ARAP2: variants seen among roughly 807,000 people sequenced by gnomAD.
ARAP2 encodes ArfGAP with RhoGAP domain, ankyrin repeat and PH domain 2.
In ARAP2, 148 loss-of-function variants were observed where a neutral mutation model predicts 194.5. That is an observed-to-expected ratio of 0.76 (90% CI 0.67 to 0.87). ARAP2 has a LOEUF of 0.87. Among genes scored for constraint, ARAP2 ranks in the 40% least tolerant of loss-of-function variants. The pLI is 0.00. For missense variants in ARAP2, 2,128 were observed against 1,989.7 expected (o/e 1.07, Z -1.32); for synonymous variants, 695 against 683.5 (o/e 1.02, Z -0.26).
chr4:36,185,838 C>T (rs552585550), intron 8 of ARAP2, among the ~76,000 whole-genome samples: 21 of 151,298 alleles, frequency 1.4e-4, no homozygotes, highest in Non-Finnish European at 2.1e-4. Flanking sequence ...ATTAGCTGGG[C>T]GTGGTGATGC....
At chr4:36,114,534 T>C (rs758624006) in intron 25 of ARAP2, among the ~76,000 whole-genome samples, 1 of 152,022 alleles carries the variant, frequency 6.6e-6, no homozygotes, top group Non-Finnish European at 1.5e-5. Flanking sequence ...ACTGAGCAAT[T>C]AGACCACTCA....
Position 36,107,708 on chromosome 4 carries a change from T to C in ARAP2, c.4157-15A>G. 6.3e-7 allele frequency: 1 copy of C among 1,576,558 alleles called. No individual in the cohort carries two copies. Among genetic ancestry groups the C allele is most frequent in the Non-Finnish European group, 8.6e-7 (1 of 1,165,950 alleles). On this transcript the variant is annotated splice_polypyrimidine_tract_variant and intron_variant, in intron 26 of 32. Coordinates refer to ENST00000303965, the MANE Select transcript of ARAP2 (RefSeq NM_015230.4). Reference sequence around the variant, plus strand: ...AAGAGGACGCTCTGTAAAAAATAAATTCCAAATCAAATGGAAAATATATGA... The same window carrying C: ...AAGAGGACGCTCTGTAAAAAATAAACTCCAAATCAAATGGAAAATATATGA...
At chr4:36,022,804 A>G (rs1406310408) in intron 5 of ARAP2, among the ~76,000 whole-genome samples, 2 of 152,170 alleles carry the variant, frequency 1.3e-5, no homozygotes, top group African/African-American at 2.4e-5. Context: ...TGATCAGTGA[A>G]CAAGGATAAC....
At chr4:36,219,893 T>C (rs1246371006) in intron 2 of ARAP2, among the ~76,000 whole-genome samples, 1 of 152,162 alleles carries the variant, frequency 6.6e-6, no homozygotes, top group East Asian at 1.9e-4. Flanking sequence ...TGAGCTAGAC[T>C]AAAAATATAC....
chr4:36,011,718 C>A (rs926646636), intron 9 of ARAP2, among the ~76,000 whole-genome samples: 2 of 152,076 alleles, frequency 1.3e-5, no homozygotes, highest in Non-Finnish European at 2.9e-5. Context: ...TATCATTATT[C>A]TTTAAATCAT....
At chr4:36,144,769 A>G (rs1044572208) in intron 19 of ARAP2, among the ~76,000 whole-genome samples, 2 of 151,874 alleles carry the variant, frequency 1.3e-5, no homozygotes, top group Admixed American at 6.6e-5. Flanking sequence ...ATTGAACAAG[A>G]TAAGATTGAA....
At chr4:36,146,766 C>T (rs1729716790) in intron 19 of ARAP2, among the ~76,000 whole-genome samples, 1 of 152,058 alleles carries the variant, frequency 6.6e-6, no homozygotes, top group Admixed American at 6.6e-5. Context: ...TCTGCTTACA[C>T]TGTTTTCCCT....
chr4:36,141,996 A>G (rs1728457517), intron 19 of ARAP2, among the ~76,000 whole-genome samples: 1 of 151,714 alleles, frequency 6.6e-6, no homozygotes, highest in Non-Finnish European at 1.5e-5. Flanking sequence ...ATGGTACTGA[A>G]ACAGCTTTTC....
chr4:36,111,135 T>G (rs752884336), intron 26 of ARAP2, among the ~76,000 whole-genome samples: 2 of 151,968 alleles, frequency 1.3e-5, no homozygotes, highest in Non-Finnish European at 2.9e-5. Flanking sequence ...CTTACATATT[T>G]ATAAATTTAT....
Position 36,140,175 on chromosome 4 carries a change from C to CACACACACACACAT in ARAP2, c.3264-6787_3264-6786insATGTGTGTGTGTGT, listed in dbSNP as rs1283506325. Among the ~76,000 whole-genome samples, 9 of 150,300 alleles carry CACACACACACACAT rather than the reference C, an allele frequency of 6.0e-5. No individual in the cohort carries two copies. The East Asian group carries it at 1.4e-3, about 23-fold the overall frequency. ...ACACACACACACACACACACACACACATCTTAGAGGGATTTGCTCATTCTT... is the reference window on the plus strand; with the variant it reads ...ACACACACACACACACACACACACACACACACACACACATATCTTAGAGGGATTTGCTCATTCTT... On this transcript the variant is annotated intron_variant, in intron 19 of 32. Coordinates refer to ENST00000303965, the MANE Select transcript of ARAP2 (RefSeq NM_015230.4).
At chr4:36,079,839 G>A (rs1729100671) in intron 31 of ARAP2, among the ~76,000 whole-genome samples, 1 of 152,140 alleles carries the variant, frequency 6.6e-6, no homozygotes, top group Non-Finnish European at 1.5e-5. Context: ...GGGGTGGAGA[G>A]AGTGGGAGAA....
At chr4:36,120,931 TATAA>T (rs1480867487) in intron 23 of ARAP2, among the ~76,000 whole-genome samples, 1 of 151,684 alleles carries the variant, frequency 6.6e-6, no homozygotes, top group African/African-American at 2.4e-5. Flanking sequence ...GCAAAAATCC[TATAA>T]ATAGAAATAT....
At chr4:36,148,362 C>T in intron 17 of ARAP2, 43 bp downstream of exon 17, 1 of 1,473,752 alleles carries the variant, frequency 6.8e-7, no homozygotes. Flanking sequence ...TCCCAGTTCA[C>T]AATCTTCTCT....
At chr4:36,110,794 T>A (rs1488949359) in intron 26 of ARAP2, among the ~76,000 whole-genome samples, 1 of 151,912 alleles carries the variant, frequency 6.6e-6, no homozygotes, top group Non-Finnish European at 1.5e-5. Context: ...ACGACAGTAA[T>A]GGCGAAATAT....
chr4:36,052,928 C>T (rs1033813783), intron 2 of ARAP2, among the ~76,000 whole-genome samples: 1 of 152,178 alleles, frequency 6.6e-6, no homozygotes, highest in Non-Finnish European at 1.5e-5. Context: ...GAGATAGCAC[C>T]ATGAATTCAT....
At chr4:36,202,047 C>T (rs1467005394) in intron 6 of ARAP2, among the ~76,000 whole-genome samples, 1 of 152,128 alleles carries the variant, frequency 6.6e-6, no homozygotes, top group Non-Finnish European at 1.5e-5. Flanking sequence ...GTATAATCAC[C>T]ATGCTGTTCC....
chr4:36,111,599 T>A (rs1720004481), intron 26 of ARAP2, among the ~76,000 whole-genome samples: 1 of 152,000 alleles, frequency 6.6e-6, no homozygotes, highest in South Asian at 2.1e-4. Flanking sequence ...TATCTTGGCA[T>A]AAAGACAACT....
At chr4:36,132,320 A>G (rs1197848230) in intron 20 of ARAP2, among the ~76,000 whole-genome samples, 1 of 151,712 alleles carries the variant, frequency 6.6e-6, no homozygotes, top group African/African-American at 2.4e-5. Flanking sequence ...CCCTCTCACT[A>G]TTTGTACCTT....
chr4:36,163,245 A>G (rs1328132684), intron 11 of ARAP2, among the ~76,000 whole-genome samples: 3 of 151,948 alleles, frequency 2.0e-5, no homozygotes, highest in Admixed American at 6.6e-5. Context: ...AATACATGGG[A>G]AAAAAAATAC....
Sources: gnomAD v4.1 joint callset for allele counts (sites outside exome capture counted in the v4.1 genomes callset) on GRCh38, gnomAD v4.1.1 for gene constraint, MANE v1.5 for transcripts, NCBI Gene and HGNC (gene_info 2026-07-23, HGNC 2026-07-21) for gene names.